LRP1B: variants seen among roughly 807,000 people sequenced by gnomAD.
LRP1B encodes LDL receptor related protein 1B, also known as low-density lipoprotein receptor-related protein 1B.
Under a neutral mutation model 556.6 loss-of-function variants are expected in LRP1B, and 217 were observed. The observed-to-expected ratio is 0.39, with a 90% confidence interval of 0.35 to 0.44. The LOEUF is 0.44. Among genes scored for constraint, LRP1B ranks in the 20% least tolerant of loss-of-function variants. The pLI, the probability that LRP1B is intolerant of heterozygous loss-of-function variation, is 1.00. For missense variants in LRP1B, 5,053 were observed against 5,620.8 expected (o/e 0.90, Z 3.23); for synonymous variants, 2,047 against 1,865.8 (o/e 1.10, Z -2.50).
chr2:141,920,288 G>T (rs1490766359), intron 1 of LRP1B, among the ~76,000 whole-genome samples: 2 of 120,736 alleles, frequency 1.7e-5, no homozygotes, highest in Non-Finnish European at 1.8e-5. Context: ...TTGGGGGGGG[G>T]TGGTAGGGAT....
At chr2:142,124,789 C>T (rs1317319740) in intron 1 of LRP1B, among the ~76,000 whole-genome samples, 1 of 151,730 alleles carries the variant, frequency 6.6e-6, no homozygotes, top group Non-Finnish European at 1.5e-5. Flanking sequence ...ATTTGCTCTG[C>T]AAACTAGAAA....
At chr2:141,770,732 C>A (rs1414763561) in intron 2 of LRP1B, among the ~76,000 whole-genome samples, 2 of 152,218 alleles carry the variant, frequency 1.3e-5, no homozygotes, top group Non-Finnish European at 2.9e-5. Context: ...CACCTCCCTA[C>A]AGGCGCTGTC....
chr2:141,228,746 C>A (rs1260693916), intron 6 of LRP1B, among the ~76,000 whole-genome samples: 1 of 152,052 alleles, frequency 6.6e-6, no homozygotes. Flanking sequence ...AATTAATTTC[C>A]TTTAAAGAGA....
chr2:141,989,779 GTTT>G (rs748629146), intron 1 of LRP1B, among the ~76,000 whole-genome samples: 39 of 152,024 alleles, frequency 2.6e-4, no homozygotes, highest in Non-Finnish European at 5.0e-4. Context: ...AGGATTTTAA[GTTT>G]CCTGAGGCCT....
At chr2:140,839,567 T>A (rs1406166509) in intron 31 of LRP1B, among the ~76,000 whole-genome samples, 1 of 152,198 alleles carries the variant, frequency 6.6e-6, no homozygotes, top group Non-Finnish European at 1.5e-5. Flanking sequence ...ACACTTCAAG[T>A]TCTTCAGCTT....
chr2:140,763,664 T>C (rs1160891268), intron 35 of LRP1B, among the ~76,000 whole-genome samples: 1 of 152,178 alleles, frequency 6.6e-6, no homozygotes, highest in East Asian at 1.9e-4. Context: ...AGGGGCTTGT[T>C]TTCATGTTTT....
intron 84 of LRP1B, among the ~76,000 whole-genome samples, chr2:140,297,590 T>C (rs921353447): frequency 2.0e-5 from 3 of 152,098 alleles, no homozygotes; most frequent in Admixed American, 6.5e-5. Context: ...GGAATGGTTA[T>C]AATAATGGAC....
intron 6 of LRP1B, among the ~76,000 whole-genome samples, chr2:141,195,132 G>A (rs1681698339): frequency 6.6e-6 from 1 of 152,034 alleles, no homozygotes; most frequent in Non-Finnish European, 1.5e-5. Context: ...ATTTCTGAGG[G>A]TAAGTCACAA....
chr2:140,838,030 CT>C (rs541054601), intron 31 of LRP1B, among the ~76,000 whole-genome samples: 336 of 146,390 alleles, frequency 2.3e-3, no homozygotes, highest in African/African-American at 5.1e-3. Flanking sequence ...CTCTTATAAA[CT>C]TTTTTTTTTT....
intron 7 of LRP1B, among the ~76,000 whole-genome samples, chr2:141,152,712 T>C (rs907032041): frequency 6.6e-6 from 1 of 151,840 alleles, no homozygotes; most frequent in Non-Finnish European, 1.5e-5. Flanking sequence ...ATAATACCAA[T>C]AGATATTACT....
intron 1 of LRP1B, among the ~76,000 whole-genome samples, chr2:141,856,312 T>G: frequency 6.6e-6 from 1 of 152,148 alleles, no homozygotes; most frequent in East Asian, 1.9e-4. Context: ...GTCTAAGCGT[T>G]TTAAAGTATA....
intron 3 of LRP1B, among the ~76,000 whole-genome samples, chr2:141,332,740 A>C (rs572065222): frequency 1.1e-3 from 173 of 150,466 alleles, no homozygotes; most frequent in African/African-American, 4.0e-3. Context: ...ATATATATAT[A>C]AAGGAAACTG....
intron 41 of LRP1B, among the ~76,000 whole-genome samples, chr2:140,691,412 G>A (rs1018868869): frequency 4.6e-5 from 7 of 150,758 alleles, no homozygotes; most frequent in African/African-American, 1.7e-4. Context: ...CGGAGGTTGT[G>A]GTTAGCCAAG....
At chr2:140,816,802 A>G (rs1430905960) in intron 31 of LRP1B, among the ~76,000 whole-genome samples, 1 of 152,108 alleles carries the variant, frequency 6.6e-6, no homozygotes, top group African/African-American at 2.4e-5. Flanking sequence ...ATATAGATAT[A>G]TATAGAAGTA....
chr2:140,712,685 G>A (rs1687075610), intron 37 of LRP1B, among the ~76,000 whole-genome samples: 1 of 151,904 alleles, frequency 6.6e-6, no homozygotes, highest in Non-Finnish European at 1.5e-5. Flanking sequence ...AGTTTATTCT[G>A]TATATGCTAG....
Position 141,625,922 on chromosome 2 carries a change from G to C in LRP1B, c.206-145389C>G, listed in dbSNP as rs370097814. On this transcript the variant is annotated intron_variant, in intron 2 of 90. Transcript: ENST00000389484. ...TCTATATTTAGATTGCATATTTCAA[G>C]AGCATTAAAAATATATTTAACTTAA... is the stretch of plus-strand genomic sequence containing the variant. Among the ~76,000 whole-genome samples, 3 of 152,056 alleles carry C rather than the reference G, an allele frequency of 2.0e-5. No homozygotes were observed. The South Asian group carries it at 6.2e-4, about 32-fold the overall frequency.
Position 142,130,740 on chromosome 2 carries a change from C to T in LRP1B, c.-11G>A, listed in dbSNP as rs746021962. The T allele has an allele frequency of 2.1e-5, 34 of 1,606,442 alleles. No homozygotes were observed. Among genetic ancestry groups the T allele is most frequent in the Non-Finnish European group, 1.9e-5 (22 of 1,176,188 alleles). Reference sequence around the variant, plus strand: ...GAGAAACTCGGACATTGTGGTCGCCCGGTAAGGAAGCCTGCGCTGGAGACT... The same window carrying T: ...GAGAAACTCGGACATTGTGGTCGCCTGGTAAGGAAGCCTGCGCTGGAGACT... On this transcript the variant is annotated 5_prime_UTR_variant, in exon 1 of 91. Transcript: ENST00000389484.
At chr2:140,975,333 A>T (rs1047983730) in intron 18 of LRP1B, among the ~76,000 whole-genome samples, 8 of 152,204 alleles carry the variant, frequency 5.3e-5, no homozygotes, top group Admixed American at 3.9e-4. Flanking sequence ...CTCTCTGAAG[A>T]TCTCACACAG....
intron 6 of LRP1B, among the ~76,000 whole-genome samples, chr2:141,227,607 A>G (rs1683296542): frequency 6.6e-6 from 1 of 152,194 alleles, no homozygotes; most frequent in Non-Finnish European, 1.5e-5. Flanking sequence ...TATTTTCACA[A>G]TAAATAACTT....
Sources: allele counts gnomAD v4.1 joint callset (sites outside exome capture counted in the v4.1 genomes callset), GRCh38; gene constraint gnomAD v4.1.1; transcripts MANE v1.5; gene names NCBI Gene and HGNC (gene_info 2026-07-23, HGNC 2026-07-21).